NEO1: variants seen among roughly 807,000 people sequenced by gnomAD.
NEO1 encodes neogenin 1, also known as neogenin.
Under a neutral mutation model 159.7 loss-of-function variants are expected in NEO1, and 63 were observed. The ratio of observed to expected loss-of-function variants is 0.39; its 90% CI spans 0.32 to 0.49. NEO1 has a LOEUF of 0.49. NEO1 is among the 20% of genes least tolerant of loss of function. The pLI, the probability that NEO1 is intolerant of heterozygous loss-of-function variation, is 0.85. For synonymous variants in NEO1, 633 were observed against 662.0 expected (o/e 0.96, Z 0.67); for missense variants, 1,615 against 1,831.0 (o/e 0.88, Z 2.15).
chr15:73,159,213 C>T (rs1052738764), intron 5 of NEO1, among the ~76,000 whole-genome samples: 1 of 152,156 alleles, frequency 6.6e-6, no homozygotes, highest in African/African-American at 2.4e-5. Flanking sequence ...ACACTACAAA[C>T]GTTACCAAAA....
At chr15:73,199,777 T>C (rs1196869645) in intron 7 of NEO1, among the ~76,000 whole-genome samples, 1 of 152,186 alleles carries the variant, frequency 6.6e-6, no homozygotes, top group Non-Finnish European at 1.5e-5. Context: ...TAAGAGCCTG[T>C]TTACCACACT....
intron 7 of NEO1, among the ~76,000 whole-genome samples, chr15:73,225,558 G>C (rs1249596972): frequency 6.6e-6 from 1 of 152,092 alleles, no homozygotes; most frequent in Non-Finnish European, 1.5e-5. Flanking sequence ...GAGTCATGCA[G>C]GTTGTCAGGG....
At chr15:73,174,807 A>G (rs537341817) in intron 5 of NEO1, among the ~76,000 whole-genome samples, 151 of 152,342 alleles carry the variant, frequency 9.9e-4, no homozygotes, top group African/African-American at 3.4e-3. Flanking sequence ...TTCACAAAAG[A>G]ATAAATACAA....
In NEO1 at chr15:73,212,269, A is replaced by C. The variant is rs138077291; in HGVS notation, c.1292-24078A>C. Among the ~76,000 whole-genome samples, 1,140 of 152,276 alleles carry C rather than the reference A, an allele frequency of 7.5e-3. 7 individuals are homozygous for C. The highest frequency in any genetic ancestry group is 0.017 in the Middle Eastern group (5 of 294). ...TTCAAATAATTCCTCCATCCCCCATATCATCCTTTCCTCCTGAAGTGCTGC... is the reference window on the plus strand; with the variant it reads ...TTCAAATAATTCCTCCATCCCCCATCTCATCCTTTCCTCCTGAAGTGCTGC... On this transcript the variant is annotated intron_variant, in intron 7 of 28. Transcript: ENST00000261908.
At chr15:73,221,916 C>T (rs1257554892) in intron 7 of NEO1, 1 of 156,302 alleles carries the variant, frequency 6.4e-6, no homozygotes, top group Non-Finnish European at 1.4e-5. Flanking sequence ...CTTCGGCTCG[C>T]GCACGGTGCG....
intron 15 of NEO1, among the ~76,000 whole-genome samples, chr15:73,264,462 A>G (rs768249906): frequency 1.2e-4 from 19 of 152,354 alleles, no homozygotes; most frequent in Non-Finnish European, 2.2e-4. Context: ...CGTTTGAAAT[A>G]GAGAGATGAG....
intron 7 of NEO1, among the ~76,000 whole-genome samples, chr15:73,195,075 A>G (rs768160376): frequency 6.6e-6 from 1 of 152,226 alleles, no homozygotes; most frequent in Non-Finnish European, 1.5e-5. Flanking sequence ...TGAGGTCCAC[A>G]TAATAATTTA....
intron 22 of NEO1, among the ~76,000 whole-genome samples, chr15:73,280,338 G>A (rs1567681660): frequency 6.6e-6 from 1 of 152,010 alleles, no homozygotes; most frequent in Non-Finnish European, 1.5e-5. Context: ...ATAAAGAAAT[G>A]GCATATATAT....
chr15:73,201,083 T>G (rs1165978391), intron 7 of NEO1, among the ~76,000 whole-genome samples: 1 of 152,100 alleles, frequency 6.6e-6, no homozygotes, highest in African/African-American at 2.4e-5. Context: ...CCTTGGTGCC[T>G]GGCTACAGGT....
chr15:73,257,846 G>A (rs377697083), intron 13 of NEO1, among the ~76,000 whole-genome samples: 31 of 152,238 alleles, frequency 2.0e-4, no homozygotes, highest in Admixed American at 1.2e-3. Flanking sequence ...CCAGATTATC[G>A]TCTGTCAACA....
At chr15:73,243,398 A>G (rs1304950921) in intron 8 of NEO1, among the ~76,000 whole-genome samples, 2 of 152,216 alleles carry the variant, frequency 1.3e-5, no homozygotes, top group Non-Finnish European at 2.9e-5. Flanking sequence ...TAATTTCTTC[A>G]ATGGAGTAGT....
At chr15:73,096,732 A>G (rs141410604) in intron 1 of NEO1, among the ~76,000 whole-genome samples, 2 of 152,240 alleles carry the variant, frequency 1.3e-5, no homozygotes, top group South Asian at 2.1e-4. Flanking sequence ...TTGATGGGAA[A>G]TCATTAGGCA....
chr15:73,209,965 T>C (rs1296948487), intron 7 of NEO1, among the ~76,000 whole-genome samples: 3 of 152,038 alleles, frequency 2.0e-5, no homozygotes, highest in Non-Finnish European at 4.4e-5. Context: ...ATCGCACCAT[T>C]GCACTCCAGC....
chr15:73,194,690 G>C (rs574155011), intron 7 of NEO1, among the ~76,000 whole-genome samples: 8 of 152,300 alleles, frequency 5.3e-5, no homozygotes, highest in African/African-American at 1.9e-4. Context: ...CATGAGGTTT[G>C]GAGGGGACAA....
intron 4 of NEO1, among the ~76,000 whole-genome samples, chr15:73,132,201 C>A (rs1316035368): frequency 2.0e-5 from 3 of 152,192 alleles, no homozygotes; most frequent in African/African-American, 7.2e-5. Flanking sequence ...ATGAGTAAAT[C>A]TCTCTCCTTA....
chr15:73,114,159 G>C (rs2071160046), intron 1 of NEO1, among the ~76,000 whole-genome samples: 1 of 152,164 alleles, frequency 6.6e-6, no homozygotes, highest in Non-Finnish European at 1.5e-5. Context: ...TGATATTTAA[G>C]CTGAGCTTGA....
At chr15:73,238,082 C>A (rs2623996) in intron 8 of NEO1, among the ~76,000 whole-genome samples, 1 of 151,840 alleles carries the variant, frequency 6.6e-6, no homozygotes, top group African/African-American at 2.4e-5. Flanking sequence ...GTTAAATGCT[C>A]GGGAAATTTT....
chr15:73,298,634 C>G, intron 27 of NEO1, 23 bp downstream of exon 27: 1 of 1,613,438 alleles, frequency 6.2e-7, no homozygotes, highest in Non-Finnish European at 8.5e-7. Flanking sequence ...GGCAGCACAC[C>G]TGGAGGGAGC....
At chr15:73,144,312 C>A (rs1252183123) in intron 5 of NEO1, among the ~76,000 whole-genome samples, 1 of 152,060 alleles carries the variant, frequency 6.6e-6, no homozygotes, top group Non-Finnish European at 1.5e-5. Flanking sequence ...CATAAGCCAA[C>A]ATAATATTAA....
Sources: gnomAD v4.1 joint callset for allele counts (sites outside exome capture counted in the v4.1 genomes callset) on GRCh38, gnomAD v4.1.1 for gene constraint, MANE v1.5 for transcripts, NCBI Gene and HGNC (gene_info 2026-07-23, HGNC 2026-07-21) for gene names.